Variants in EPHX2 observed in about 807,000 individuals in gnomAD.
The protein encoded by EPHX2 is epoxide hydrolase 2.
EPHX2 carries 74 observed loss-of-function variants against 78.7 expected under a neutral mutation model. The observed-to-expected ratio is 0.94, with a 90% CI of 0.78 to 1.14. EPHX2 has a LOEUF of 1.14. Among genes scored for constraint, EPHX2 ranks in the 50% most tolerant of loss-of-function variants. EPHX2 has a pLI of 0.00. For synonymous variants in EPHX2, 251 were observed against 255.2 expected, an observed-to-expected ratio of 0.98 and a Z score of 0.16; for missense variants, 715 against 702.5, an observed-to-expected ratio of 1.02 and a Z score of -0.20.
In EPHX2 at chr8:27,525,455, G is replaced by A. The variant is rs943019935; in HGVS notation, c.1152G>A (p.Gln384=). 2 of 1,613,920 alleles carry A rather than the reference G, an allele frequency of 1.2e-6. No homozygotes were observed. Among genetic ancestry groups the A allele is most frequent in the African/African-American group, 2.7e-5 (2 of 74,878 alleles). The change falls in exon 12 of 19, where the codon CAG becomes CAA. Residue 384 remains glutamine (Q), a synonymous_variant. Coordinates refer to ENST00000521400, the MANE Select transcript of EPHX2 (RefSeq NM_001979.6). Reference sequence around the variant, plus strand: ...AAGCCAACCCAGTATTTGATTACCAGCTCTACTTCCAAGAACCAGTAAGTA... The same window carrying A: ...AAGCCAACCCAGTATTTGATTACCAACTCTACTTCCAAGAACCAGTAAGTA... The part of the protein sequence containing the change: ...SIKANPVFDY[Q]LYFQEPGVAE...
chr8:27,510,343 T>G (rs1160356410), intron 5 of EPHX2, among the ~76,000 whole-genome samples: 2 of 152,198 alleles, frequency 1.3e-5, no homozygotes, highest in Non-Finnish European at 2.9e-5. Context: ...AGTGGGCTCC[T>G]TGTCATTTCT....
intron 1 of EPHX2, chr8:27,492,914 G>C: frequency 6.5e-6 from 1 of 154,250 alleles, no homozygotes; most frequent in Non-Finnish European, 1.4e-5. Flanking sequence ...CCTGCTACTG[G>C]GAACTGGGTG....
rs1446498816 is a variant in EPHX2, at chr8:27,525,103, TGTGTGC to T, written c.1059-257_1059-252del. Among the ~76,000 whole-genome samples, 93 of 131,452 alleles carry T rather than the reference TGTGTGC, an allele frequency of 7.1e-4. 2 individuals are homozygous for T. In the South Asian group the frequency reaches 8.6e-3, roughly 12 times the overall value. 86.2% of individuals were successfully genotyped at this position (131,452 alleles called of 152,430 possible). A position where few individuals can be genotyped will look rare whatever the true frequency, so the allele number is the denominator to read the frequency against. On this transcript the variant is annotated intron_variant, in intron 11 of 18. Transcript: ENST00000521400. ...GTGTGTGTGTGTGTGTGTGTGTGTG[TGTGTGC>T]GCGCGCGCGCGCGCACCTATGTGTC...
intron 1 of EPHX2, among the ~76,000 whole-genome samples, chr8:27,499,286 A>G (rs1234928583): frequency 1.3e-5 from 2 of 152,244 alleles, no homozygotes; most frequent in Non-Finnish European, 2.9e-5. Flanking sequence ...CATGAGCTTC[A>G]GAGGAGACAA....
intron 9 of EPHX2, among the ~76,000 whole-genome samples, chr8:27,519,952 AC>A (rs919187859): frequency 6.7e-6 from 1 of 149,632 alleles, no homozygotes; most frequent in Non-Finnish European, 1.5e-5. Context: ...CTGTGTCCTC[AC>A]GTGCTCGTCC....
intron 11 of EPHX2, among the ~76,000 whole-genome samples, chr8:27,525,121 C>T (rs1309163852): frequency 1.3e-5 from 2 of 150,852 alleles, no homozygotes; most frequent in South Asian, 2.1e-4. Flanking sequence ...CGCGCGCGCG[C>T]GCACCTATGT....
At position 27,544,189 on chromosome 8, in the gene EPHX2, C is replaced by A. The variant is rs775866891; in HGVS notation, c.1534C>A (p.Pro512Thr). ...QMSQHMEDWI[P>T]HLKRGHIEDC... ...TCTGCCTGGGGTTTCCTTTCAGATT[C>A]CCCACCTGAAAAGGGGACACATTGA... is the stretch of plus-strand genomic sequence containing the variant. The change falls in exon 18 of 19, where the codon CCC (proline) becomes ACC (threonine). Residue 512 changes from proline (P) to threonine (T), a missense_variant. Physicochemically the swap from Pro to Thr is conservative, Grantham distance 38. Coordinates refer to ENST00000521400, the MANE Select transcript of EPHX2 (RefSeq NM_001979.6). 88 of 1,614,038 alleles carry A rather than the reference C, an allele frequency of 5.5e-5. No individual in the cohort carries two copies. The highest frequency in any genetic ancestry group is 7.3e-5 in the Non-Finnish European group (86 of 1,180,042).
intron 2 of EPHX2, among the ~76,000 whole-genome samples, chr8:27,503,369 C>T (rs1813870093): frequency 6.6e-6 from 1 of 152,144 alleles, no homozygotes; most frequent in Non-Finnish European, 1.5e-5. Context: ...ACAATCTATC[C>T]ATTCTGCTGT....
At chr8:27,511,251 G>A (rs17057291) in intron 5 of EPHX2, among the ~76,000 whole-genome samples, 19,205 of 152,310 alleles carry the variant, frequency 0.13, 1,399 homozygotes, top group African/African-American at 0.21. Context: ...AGACCTTTCA[G>A]CAGAGCTGTG....
In EPHX2 at chr8:27,538,533, G is replaced by A. The variant is rs1585222362; in HGVS notation, c.1243-126G>A. ...TCTGCGTGGTACTCAGAGGTCATTT[G>A]TCATAACAGGGTTTTCAGATGAGCA... is the stretch of plus-strand genomic sequence containing the variant. On this transcript the variant is annotated intron_variant, in intron 13 of 18. Transcript: ENST00000521400. 4 of 850,098 alleles carry A rather than the reference G, an allele frequency of 4.7e-6. No homozygotes were observed. In the East Asian group the frequency reaches 8.1e-5, roughly 17 times the overall value. The allele number at this position is 850,098 out of a possible 1,614,324, so 52.7% of individuals were successfully genotyped here. A position where few individuals can be genotyped will look rare whatever the true frequency, so the allele number is the denominator to read the frequency against.
Position 27,518,076 on chromosome 8 carries a change from A to G in EPHX2, c.945+4A>G. 4 of 1,598,710 alleles carry G rather than the reference A, an allele frequency of 2.5e-6. No homozygotes were observed. Among genetic ancestry groups the G allele is most frequent in the Non-Finnish European group, 3.4e-6 (4 of 1,174,910 alleles). ...TTGCATGGAAGTGTTATGTAAGGTA[A>G]GAAGAATCTTGGGTAACATCTTCCC... On this transcript the variant is annotated splice_donor_region_variant and intron_variant, in intron 9 of 18. Transcript: ENST00000521400.
intron 3 of EPHX2, among the ~76,000 whole-genome samples, 200 bp from the exon 4 acceptor site, chr8:27,504,756 G>C (rs985773341): frequency 6.6e-5 from 10 of 152,146 alleles, no homozygotes; most frequent in African/African-American, 1.4e-4. Context: ...AATGAACCCA[G>C]CTCATGCTTG....
downstream of EPHX2, among the ~76,000 whole-genome samples, chr8:27,546,876 G>T (rs1815584844): frequency 6.6e-6 from 1 of 152,156 alleles, no homozygotes. Context: ...GGTTTAATTG[G>T]CTCACGGTTC....
At chr8:27,537,777 TC>T (rs1815260238) in intron 13 of EPHX2, among the ~76,000 whole-genome samples, 1 of 152,234 alleles carries the variant, frequency 6.6e-6, no homozygotes, top group Non-Finnish European at 1.5e-5. Context: ...TCTCTCTCCC[TC>T]TCGCAAACTC....
chr8:27,511,926 C>A lies in EPHX2; in HGVS notation c.735+16C>A. The stretch of plus-strand genomic sequence containing the variant: ...GACAGTAAAGGTGAGTCAGTTTTGT[C>A]TCTCAGTCGGCTAAGTGCTCTCCCA... On this transcript the variant is annotated intron_variant, in intron 6 of 18. Transcript: ENST00000521400. The A allele has an allele frequency of 3.1e-6, 5 of 1,613,502 alleles. No homozygotes were observed. Among genetic ancestry groups the A allele is most frequent in the Non-Finnish European group, 3.4e-6 (4 of 1,179,544 alleles).
chr8:27,523,744 A>G (rs1814729459), intron 11 of EPHX2, among the ~76,000 whole-genome samples: 2 of 152,158 alleles, frequency 1.3e-5, no homozygotes, highest in South Asian at 2.1e-4. Context: ...TACATAGCAT[A>G]TTCTAGCTTC....
At chr8:27,532,976 A>G (rs890174346) in intron 12 of EPHX2, among the ~76,000 whole-genome samples, 3 of 152,032 alleles carry the variant, frequency 2.0e-5, no homozygotes, top group African/African-American at 4.8e-5. Flanking sequence ...TTAGCCAGGC[A>G]TGGTGGTGCA....
At chr8:27,517,552 T>C (rs1338609962) in intron 8 of EPHX2, among the ~76,000 whole-genome samples, 3 of 152,226 alleles carry the variant, frequency 2.0e-5, no homozygotes, top group Non-Finnish European at 4.4e-5. Context: ...ACAGACATAC[T>C]TTCAGTGGAA....
chr8:27,532,309 C>G (rs2132782149), intron 12 of EPHX2, among the ~76,000 whole-genome samples: 1 of 152,284 alleles, frequency 6.6e-6, no homozygotes, highest in Middle Eastern at 3.4e-3. Context: ...AACATTTGTC[C>G]TCTGCTTATG....
Sources: gnomAD v4.1 joint callset for allele counts (sites outside exome capture counted in the v4.1 genomes callset) on GRCh38, gnomAD v4.1.1 for gene constraint, MANE v1.5 for transcripts, NCBI Gene and HGNC (gene_info 2026-07-23, HGNC 2026-07-21) for gene names.